TRAPPC13: variants seen among roughly 807,000 people sequenced by gnomAD.
TRAPPC13 encodes trafficking protein particle complex subunit 13.
A neutral mutation model predicts 54.0 loss-of-function variants in TRAPPC13; 39 were observed. The ratio of observed to expected loss-of-function variants is 0.72; its 90% confidence interval spans 0.56 to 0.94. The LOEUF is 0.94. TRAPPC13 is among the 40% of genes least tolerant of loss of function. TRAPPC13 has a pLI of 0.00. For missense variants in TRAPPC13, 386 were observed against 488.1 expected (o/e 0.79, Z 1.97); for synonymous variants, 148 against 167.7 (o/e 0.88, Z 0.91).
intron 1 of TRAPPC13, among the ~76,000 whole-genome samples, chr5:65,631,220 A>T (rs770218315): frequency 1.3e-5 from 2 of 152,184 alleles, no homozygotes; most frequent in Non-Finnish European, 2.9e-5. Flanking sequence ...ATAAGACTGC[A>T]CTTAACTAGG....
chr5:65,666,166 T>C lies in TRAPPC13; in HGVS notation c.*1555T>C, dbSNP rs1163398949. ...ATACTTGGATTGTTTTTCAAGCATC[T>C]TCTTATGACTAAATCTTCTGTTTCA... On this transcript the variant is annotated 3_prime_UTR_variant, in exon 13 of 13. Transcript: ENST00000399438. The C allele has an allele frequency of 2.6e-5, 4 of 152,584 alleles. No individual in the cohort carries two copies. The East Asian group carries it at 5.8e-4, about 22-fold the overall frequency. 9.5% of individuals were successfully genotyped at this position (152,584 alleles called of 1,614,324 possible).
chr5:65,652,791 T>G, intron 7 of TRAPPC13: 1 of 486,824 alleles, frequency 2.1e-6, no homozygotes. Context: ...TTCATCTCCT[T>G]TCGTTAAATG....
At chr5:65,661,273 C>T (rs1172729744) in intron 10 of TRAPPC13, 1 of 155,444 alleles carries the variant, frequency 6.4e-6, no homozygotes, top group Admixed American at 6.5e-5. Flanking sequence ...TACTCAGTTC[C>T]TACCATTTTT....
At chr5:65,663,970 G>A (rs2150695828) in intron 11 of TRAPPC13, 1 of 375,654 alleles carries the variant, frequency 2.7e-6, no homozygotes, top group Non-Finnish European at 4.8e-6. Flanking sequence ...GCACCAGGAG[G>A]CCAGTGTTGA....
At chr5:65,630,319 T>C in intron 1 of TRAPPC13, 1 of 1,519,302 alleles carries the variant, frequency 6.6e-7, no homozygotes, top group Non-Finnish European at 8.8e-7. Context: ...TGCATAAATA[T>C]GGTGTTATTT....
intron 5 of TRAPPC13, among the ~76,000 whole-genome samples, chr5:65,649,923 C>A (rs923531849): frequency 1.3e-5 from 2 of 148,740 alleles, no homozygotes; most frequent in Non-Finnish European, 3.0e-5. Context: ...GTGGCGCAAT[C>A]TCAGCTCACT....
rs551798264 is a variant in TRAPPC13 at position 65,661,183 on chromosome 5, C to G, written c.897+286C>G. On this transcript the variant is annotated intron_variant, in intron 10 of 12. Transcript: ENST00000399438. ...TGTCTCTCCTTTGGTAACACATGCTCACTCTTCTTCTGATTTCCAAACACA... is the reference window on the plus strand; with the variant it reads ...TGTCTCTCCTTTGGTAACACATGCTGACTCTTCTTCTGATTTCCAAACACA... 2.5e-5 allele frequency: 6 copies of G among 237,118 alleles called. No homozygotes were observed. In the East Asian group the frequency reaches 3.8e-4, roughly 15 times the overall value. The allele number at this position is 237,118 out of a possible 1,614,324, so 14.7% of individuals were successfully genotyped here. A position where few individuals can be genotyped will look rare whatever the true frequency, so the allele number is the denominator to read the frequency against.
At chr5:65,645,904 G>A (rs1419086093) in intron 4 of TRAPPC13, among the ~76,000 whole-genome samples, 1 of 150,716 alleles carries the variant, frequency 6.6e-6, no homozygotes, top group East Asian at 1.9e-4. Context: ...ATGACCTAAT[G>A]TGATCTTTGC....
chr5:65,629,774 G>A (rs1358479918), intron 1 of TRAPPC13: 1 of 1,536,088 alleles, frequency 6.5e-7, no homozygotes. Context: ...GATTTCTGAA[G>A]AGGCAGCTGA....
chr5:65,649,034 G>A (rs1056792971), intron 5 of TRAPPC13, among the ~76,000 whole-genome samples: 10 of 151,986 alleles, frequency 6.6e-5, no homozygotes, highest in Admixed American at 6.6e-4. Context: ...TGGGAAACAT[G>A]ATGAAATCCC....
At chr5:65,632,808 A>G (rs1046870873) in intron 1 of TRAPPC13, among the ~76,000 whole-genome samples, 1 of 152,236 alleles carries the variant, frequency 6.6e-6, no homozygotes, top group Non-Finnish European at 1.5e-5. Context: ...TTTGTTGACT[A>G]TTTCAAAAGC....
chr5:65,625,390 A>G, intron 1 of TRAPPC13: 1 of 412,642 alleles, frequency 2.4e-6, no homozygotes, highest in Admixed American at 4.3e-5. Context: ...CCTACCGTGG[A>G]GATCTCTGTG....
chr5:65,663,355 C>T (rs1195452651), intron 11 of TRAPPC13: 2 of 152,092 alleles, frequency 1.3e-5, no homozygotes, highest in African/African-American at 4.8e-5. Context: ...GACACATGCA[C>T]ACAACATATA....
At chr5:65,629,873 A>G (rs1378281412) in intron 1 of TRAPPC13, 2 of 1,536,108 alleles carry the variant, frequency 1.3e-6, no homozygotes, top group Non-Finnish European at 1.7e-6. Context: ...GTTTCAACCT[A>G]GCTTGAAAAA....
chr5:65,659,674 T>C (rs1756776214), intron 9 of TRAPPC13, among the ~76,000 whole-genome samples: 1 of 152,164 alleles, frequency 6.6e-6, no homozygotes, highest in South Asian at 2.1e-4. Flanking sequence ...AATGTAAAGT[T>C]GACAATAATA....
chr5:65,664,451 G>A, intron 12 of TRAPPC13, 53 bp from the exon 13 acceptor site: 1 of 1,598,084 alleles, frequency 6.3e-7, no homozygotes, highest in Non-Finnish European at 8.5e-7. Flanking sequence ...TGTGATGTCT[G>A]TATTTCCTCT....
chr5:65,653,540 C>T (rs1756550501), intron 7 of TRAPPC13, among the ~76,000 whole-genome samples: 2 of 151,998 alleles, frequency 1.3e-5, no homozygotes, highest in African/African-American at 4.8e-5. Context: ...ACAAAACTAC[C>T]TAGAATGGAA....
intron 10 of TRAPPC13, 137 bp downstream of exon 10, chr5:65,661,034 T>G: frequency 1.5e-6 from 1 of 656,058 alleles, no homozygotes; most frequent in Non-Finnish European, 2.5e-6. Context: ...CAGAAAAGAT[T>G]AATAGTGTCA....
Position 65,630,001 on chromosome 5 carries a change from C to G in TRAPPC13, c.46+4895C>G, listed in dbSNP as rs1299485177. On this transcript the variant is annotated intron_variant, in intron 1 of 12. Transcript: ENST00000399438. ...GATCTTGGAGTATTTCCCTTCCCAGCAATAATTGTACTAAAAACGTTTCTC... is the reference window on the plus strand; with the variant it reads ...GATCTTGGAGTATTTCCCTTCCCAGGAATAATTGTACTAAAAACGTTTCTC... 2.6e-6 allele frequency: 4 copies of G among 1,535,662 alleles called. No homozygotes were observed. The African/African-American group carries it at 5.5e-5, about 21-fold the overall frequency.
Sources: gnomAD v4.1 joint callset for allele counts (sites outside exome capture counted in the v4.1 genomes callset) on GRCh38, gnomAD v4.1.1 for gene constraint, MANE v1.5 for transcripts, NCBI Gene and HGNC (gene_info 2026-07-23, HGNC 2026-07-21) for gene names.